The following PDE4D variants were observed in gnomAD, a reference collection of about 807,000 sequenced individuals.
PDE4D encodes the protein 3',5'-cyclic-AMP phosphodiesterase 4D.
A neutral mutation model predicts 87.4 loss-of-function variants in PDE4D; 24 were observed. That is an observed-to-expected ratio of 0.27 (90% CI 0.20 to 0.39). The LOEUF (loss-of-function observed/expected upper bound fraction) is 0.39. PDE4D is among the 10% of genes least tolerant of loss of function. PDE4D has a pLI of 1.00. For missense variants in PDE4D, 714 were observed against 1,041.0 expected (o/e 0.69, Z 4.32); for synonymous variants, 384 against 383.2 (o/e 1.00, Z -0.02).
chr5:59,282,258 CT>C (rs1247696828), intron 1 of PDE4D, among the ~76,000 whole-genome samples: 1 of 152,020 alleles, frequency 6.6e-6, no homozygotes, highest in African/African-American at 2.4e-5. Context: ...TCTTAAAAGA[CT>C]TTTGAAAGAG....
chr5:60,157,214 T>C (rs1419191346), intron 2 of PDE4D, among the ~76,000 whole-genome samples: 1 of 152,186 alleles, frequency 6.6e-6, no homozygotes, highest in Non-Finnish European at 1.5e-5. Context: ...CTTTTACCTA[T>C]TTTTACTTCT....
intron 1 of PDE4D, among the ~76,000 whole-genome samples, chr5:60,339,539 C>T (rs1758125639): frequency 1.3e-5 from 2 of 152,170 alleles, no homozygotes; most frequent in African/African-American, 2.4e-5. Flanking sequence ...ACACGGTTGA[C>T]TGCAGGTAAC....
intron 5 of PDE4D, among the ~76,000 whole-genome samples, chr5:59,155,017 G>C (rs1178946409): frequency 6.6e-6 from 1 of 152,190 alleles, no homozygotes. Context: ...TGTGAGTCCA[G>C]CTCTGGACAT....
intron 1 of PDE4D, among the ~76,000 whole-genome samples, chr5:59,500,228 C>T (rs1304168421): frequency 6.6e-6 from 1 of 152,156 alleles, no homozygotes; most frequent in East Asian, 1.9e-4. Flanking sequence ...ATAGAACCAC[C>T]ATTTGACCCT....
At chr5:59,596,262 A>G (rs1164156845) in intron 1 of PDE4D, among the ~76,000 whole-genome samples, 1 of 150,876 alleles carries the variant, frequency 6.6e-6, no homozygotes, top group East Asian at 1.9e-4. Context: ...ATATATATAT[A>G]CAGACACATA....
chr5:59,289,640 C>A (rs770727502), intron 1 of PDE4D, among the ~76,000 whole-genome samples: 2 of 151,938 alleles, frequency 1.3e-5, no homozygotes, highest in Non-Finnish European at 2.9e-5. Context: ...GATAAGGATG[C>A]CCACTTTCAC....
upstream of PDE4D, among the ~76,000 whole-genome samples, chr5:59,898,097 A>C (rs1187785449): frequency 6.6e-6 from 1 of 152,234 alleles, no homozygotes; most frequent in South Asian, 2.1e-4. Flanking sequence ...ATAAACAGAA[A>C]TATGCAATTA....
At chr5:60,414,536 G>C (rs1742321930) in intron 1 of PDE4D, among the ~76,000 whole-genome samples, 1 of 152,052 alleles carries the variant, frequency 6.6e-6, no homozygotes, top group African/African-American at 2.4e-5. Context: ...TCATTCCAAG[G>C]GACATATATA....
At chr5:58,999,677 G>A in intron 6 of PDE4D, 2 of 1,108,714 alleles carry the variant, frequency 1.8e-6, no homozygotes, top group East Asian at 4.9e-5. Flanking sequence ...TGGTAATTAA[G>A]TATACATAAG....
intron 2 of PDE4D, among the ~76,000 whole-genome samples, chr5:60,172,556 G>A (rs919137229): frequency 2.6e-5 from 4 of 152,064 alleles, no homozygotes; most frequent in Non-Finnish European, 5.9e-5. Flanking sequence ...GAGGAACACA[G>A]CCCTTCTCTT....
At chr5:60,074,013 T>C (rs995021507) in intron 2 of PDE4D, among the ~76,000 whole-genome samples, 1 of 152,152 alleles carries the variant, frequency 6.6e-6, no homozygotes, top group African/African-American at 2.4e-5. Flanking sequence ...GCTTTTCATG[T>C]CTCAATTTCC....
At chr5:59,281,496 T>C (rs1765790047) in intron 1 of PDE4D, among the ~76,000 whole-genome samples, 1 of 152,196 alleles carries the variant, frequency 6.6e-6, no homozygotes, top group African/African-American at 2.4e-5. Context: ...ATTTATCAAA[T>C]GACTATATGT....
In PDE4D at chr5:59,282,470, G is replaced by A. The variant is rs541141500; in HGVS notation, c.456-66502C>T. Among the ~76,000 whole-genome samples, 352 of 151,606 alleles carry A rather than the reference G, an allele frequency of 2.3e-3. 1 individual carries two copies. Among genetic ancestry groups the A allele is most frequent in the African/African-American group, 8.1e-3 (337 of 41,376 alleles). ...AGCCTGGCAAACATGGTGAAACCCC[G>A]TCTCTACTAAAAAAATACAAAACTT... On this transcript the variant is annotated intron_variant, in intron 1 of 14. Transcript: ENST00000340635.
chr5:59,194,082 G>GT (rs1581292550), intron 2 of PDE4D, among the ~76,000 whole-genome samples: 1 of 152,192 alleles, frequency 6.6e-6, no homozygotes, highest in East Asian at 1.9e-4. Flanking sequence ...AGCCACTGTA[G>GT]TCACTGGGAA....
chr5:59,719,796 C>T (rs1464229276), intron 1 of PDE4D, among the ~76,000 whole-genome samples: 1 of 152,196 alleles, frequency 6.6e-6, no homozygotes, highest in Non-Finnish European at 1.5e-5. Flanking sequence ...TTTTAGAGAT[C>T]ATCTGATCCA....
chr5:59,533,973 G>C (rs1814685983), intron 1 of PDE4D, among the ~76,000 whole-genome samples: 2 of 152,124 alleles, frequency 1.3e-5, no homozygotes, highest in African/African-American at 4.8e-5. Flanking sequence ...TTGAAAACTA[G>C]ATATTTGAAT....
intron 1 of PDE4D, among the ~76,000 whole-genome samples, chr5:59,691,975 G>A (rs1751027058): frequency 6.6e-6 from 1 of 151,886 alleles, no homozygotes; most frequent in Admixed American, 6.6e-5. Flanking sequence ...AAACAACCTG[G>A]GCAAAATATA....
At chr5:60,193,689 A>AAAAAG (rs1740834299) in intron 1 of PDE4D, among the ~76,000 whole-genome samples, 1 of 146,938 alleles carries the variant, frequency 6.8e-6, no homozygotes, top group African/African-American at 2.6e-5. Flanking sequence ...AAAAAAAAAA[A>AAAAAG]AAAGAAAGAA....
At chr5:59,360,658 C>T (rs1344661961) in intron 1 of PDE4D, among the ~76,000 whole-genome samples, 1 of 152,090 alleles carries the variant, frequency 6.6e-6, no homozygotes, top group East Asian at 1.9e-4. Context: ...GGAAGTGTTG[C>T]AAAATAATAC....
Sources: gnomAD v4.1 joint callset for allele counts (sites outside exome capture counted in the v4.1 genomes callset) on GRCh38, gnomAD v4.1.1 for gene constraint, MANE v1.5 for transcripts, NCBI Gene and HGNC (gene_info 2026-07-23, HGNC 2026-07-21) for gene names.